HLA-DRB5: variants seen among roughly 807,000 people sequenced by gnomAD.
The protein encoded by HLA-DRB5 is major histocompatibility complex, class II, DR beta 5.
In HLA-DRB5, 11 loss-of-function variants were observed where a neutral mutation model predicts 22.4. That is an observed-to-expected ratio of 0.49 (90% CI 0.31 to 0.81). HLA-DRB5 has a LOEUF of 0.81. HLA-DRB5 is among the 40% of genes least tolerant of loss of function. The pLI is 0.05. For synonymous variants in HLA-DRB5, 57 were observed against 106.0 expected (o/e 0.54, Z 2.84); for missense variants, 106 against 274.4 (o/e 0.39, Z 4.34).
chr6:32,521,726 C>T (rs550725195), intron 2 of HLA-DRB5, among the ~76,000 whole-genome samples, 179 bp downstream of exon 2: 806 of 19,718 alleles, frequency 0.041, 327 homozygotes, highest in Middle Eastern at 0.22. Context: ...CACCTGTGTC[C>T]TCAGAAGTCC....
chr6:32,529,921 G>A (rs1160974421), intron 1 of HLA-DRB5, among the ~76,000 whole-genome samples: 31,865 of 115,528 alleles, frequency 0.28, 1,702 homozygotes, highest in Middle Eastern at 0.37. Context: ...TGACCTGTAT[G>A]GAGGCCCCTT....
In HLA-DRB5 at chr6:32,526,517, CTTTTT is replaced by C. The variant is rs369892846; in HGVS notation, c.100+3603_100+3607del. ...CCAGCCCTGGCCTCACCATGAGTCT[CTTTTT>C]TTTTTTTTTTTTTTTGAGACGGAGT... On this transcript the variant is annotated intron_variant, in intron 1 of 5. Transcript: ENST00000374975. Among the ~76,000 whole-genome samples the C allele has an allele frequency of 2.0e-4, 5 of 25,140 alleles. 2 individuals are homozygous for C. The East Asian group carries it at 4.6e-3, about 23-fold the overall frequency. The allele number at this position is 25,140 out of a possible 152,430, so 16.5% of individuals were successfully genotyped here. A position where few individuals can be genotyped will look rare whatever the true frequency, so the allele number is the denominator to read the frequency against.
At chr6:32,520,943 G>A (rs1347285522) in intron 2 of HLA-DRB5, among the ~76,000 whole-genome samples, 6 of 63,270 alleles carry the variant, frequency 9.5e-5, no homozygotes, top group Non-Finnish European at 6.1e-5. Flanking sequence ...GGAGATAACA[G>A]AAAATAGATC....
chr6:32,525,704 T>C (rs1278954427), intron 1 of HLA-DRB5, among the ~76,000 whole-genome samples: 1 of 109,560 alleles, frequency 9.1e-6, no homozygotes, highest in Non-Finnish European at 1.9e-5. Context: ...ATTCCAGAGA[T>C]GTACATGTTT....
At chr6:32,520,750 C>T (rs149642638) in intron 2 of HLA-DRB5, among the ~76,000 whole-genome samples, 10,268 of 31,958 alleles carry the variant, frequency 0.32, 3,582 homozygotes, top group Middle Eastern at 0.46. Flanking sequence ...GGTTTGTAAA[C>T]CATTAATAAA....
intron 3 of HLA-DRB5, among the ~76,000 whole-genome samples, 162 bp from the exon 4 acceptor site, chr6:32,518,828 GA>G (rs1562422899): frequency 2.6e-5 from 2 of 77,362 alleles, no homozygotes; most frequent in Non-Finnish European, 5.3e-5. Context: ...AAATCACACT[GA>G]ACAGTTACAA....
chr6:32,523,156 C>CT (rs1177955229), intron 1 of HLA-DRB5, among the ~76,000 whole-genome samples: 1,259 of 40,780 alleles, frequency 0.031, 2 homozygotes, highest in Admixed American at 0.06. Context: ...AACCATGATC[C>CT]CATGAATGTC....
At chr6:32,529,006 G>A (rs113962966) in intron 1 of HLA-DRB5, among the ~76,000 whole-genome samples, 94,456 of 132,500 alleles carry the variant, frequency 0.71, 32,507 homozygotes, top group Middle Eastern at 0.79. Flanking sequence ...CAAGCTTTAG[G>A]GATTTCTGGA....
intron 1 of HLA-DRB5, among the ~76,000 whole-genome samples, chr6:32,526,184 C>CAT (rs1769609688): frequency 2.0e-5 from 1 of 50,870 alleles, no homozygotes. Context: ...GGATACTCTA[C>CAT]TGACTGCAAA....
chr6:32,528,354 C>CCACAG, intron 1 of HLA-DRB5, among the ~76,000 whole-genome samples: 1 of 123,886 alleles, frequency 8.1e-6, no homozygotes, highest in African/African-American at 3.0e-5. Context: ...GGGACCCTCT[C>CCACAG]TATCTTACTC....
Position 32,522,202 on chromosome 6 carries a change from AG to A in HLA-DRB5, c.101-29del. The A allele has an allele frequency of 2.7e-6, 2 of 733,690 alleles. 1 individual carries two copies. The highest frequency in any genetic ancestry group is 3.6e-5 in the South Asian group (2 of 55,224). The allele number at this position is 733,690 out of a possible 1,614,324, so 45.4% of individuals were successfully genotyped here. ...GTGGGGACACGAAGGATCCGGTCAC[AG>A]GGGCGGCCTCCGGGGAAGATACTGA... On this transcript the variant is annotated intron_variant, in intron 1 of 5. Transcript: ENST00000374975.
intron 1 of HLA-DRB5, among the ~76,000 whole-genome samples, chr6:32,528,451 T>G (rs1367669970): frequency 0.011 from 606 of 56,404 alleles, no homozygotes; most frequent in Middle Eastern, 0.025. Context: ...TAAACCATGG[T>G]TCTGGGAACT....
At chr6:32,525,916 G>T (rs879940042) in intron 1 of HLA-DRB5, among the ~76,000 whole-genome samples, 12 of 39,592 alleles carry the variant, frequency 3.0e-4, no homozygotes, top group Middle Eastern at 0.02. Flanking sequence ...TGAAATACTG[G>T]CTGTGTGACC....
rs145586726 is a variant in HLA-DRB5, at chr6:32,522,019, C to T, written c.256G>A (p.Asp86Asn). ...YRAVTELGRPDAEYWNSQKDF... is the reference protein window; with the variant it reads ...YRAVTELGRPNAEYWNSQKDF... ...TTCTGGCTGTTCCAGTACTCAGCGT[C>T]AGGCCGCCCCAGCTCCGTCACCGCC... Residue 86 changes from aspartate (D) to asparagine (N), a missense_variant, in exon 2 of 6, where the codon GAC becomes AAC. Asp to Asn is a conservative substitution (Grantham distance 23, BLOSUM62 1). Transcript: ENST00000374975. 0.046 allele frequency: 70,762 copies of T among 1,540,388 alleles called. 8,019 individuals carry two copies. Among genetic ancestry groups the T allele is most frequent in the East Asian group, 0.17 (6,994 of 41,420 alleles).
rs1487304200 is a variant in HLA-DRB5 at position 32,524,073 on chromosome 6, G to C, written c.101-1899C>G. 4.2e-5 allele frequency among the ~76,000 whole-genome samples: 2 copies of C among 47,258 alleles called. 1 individual carries two copies. Among genetic ancestry groups the C allele is most frequent in the African/African-American group, 1.5e-4 (2 of 13,262 alleles). The allele number at this position is 47,258 out of a possible 152,430, so 31.0% of individuals were successfully genotyped here. A position where few individuals can be genotyped will look rare whatever the true frequency, so the allele number is the denominator to read the frequency against. ...GCGGTGGTGAACGATCCCTGGGTAA[G>C]AACCACAGGTGTGAACCATCTGAAA... On this transcript the variant is annotated intron_variant, in intron 1 of 5. Transcript: ENST00000374975.
intron 2 of HLA-DRB5, among the ~76,000 whole-genome samples, chr6:32,521,159 T>A (rs1232361515): frequency 1.0e-2 from 574 of 57,516 alleles, no homozygotes; most frequent in Non-Finnish European, 0.012. Flanking sequence ...ACAACTATTA[T>A]ATATAAAAGA....
intron 1 of HLA-DRB5, among the ~76,000 whole-genome samples, chr6:32,524,840 G>T (rs149310453): frequency 0.29 from 11,856 of 40,788 alleles, 2,659 homozygotes; most frequent in East Asian, 0.33. Flanking sequence ...GGATGCCCAG[G>T]TAAATCTGGA....
At chr6:32,527,106 A>G (rs73407287) in intron 1 of HLA-DRB5, among the ~76,000 whole-genome samples, 11,315 of 45,438 alleles carry the variant, frequency 0.25, 2,024 homozygotes, top group Middle Eastern at 0.47. Flanking sequence ...ACTCAAGCCT[A>G]TTTTCCCTGA....
Position 32,518,660 on chromosome 6 carries a change from T to C in HLA-DRB5, c.659A>G (p.Gln220Arg), listed in dbSNP as rs1136905. The C allele has an allele frequency of 0.12, 66,438 of 573,392 alleles. 26,386 individuals are homozygous for C. The highest frequency in any genetic ancestry group is 0.42 in the East Asian group (7,436 of 17,540). 35.5% of individuals were successfully genotyped at this position (573,392 alleles called of 1,614,324 possible). ...TSPLTVEWRA[Q>R]SESAQSKMLS... ...CATCTTGCTCTGTGCAGATTCAGAC[T>C]GTGCTCCTGGGAGAGGAAACCAGGT... Residue 220 changes from glutamine to arginine, a missense_variant, in exon 4 of 6, where the codon CAG (glutamine) becomes CGG (arginine). By Grantham distance (43) the Gln-to-Arg change is conservative. Coordinates refer to ENST00000374975, the MANE Select transcript of HLA-DRB5 (RefSeq NM_002125.4).
Sources: gnomAD v4.1 joint callset for allele counts (sites outside exome capture counted in the v4.1 genomes callset) on GRCh38, gnomAD v4.1.1 for gene constraint, MANE v1.5 for transcripts, NCBI Gene and HGNC (gene_info 2026-07-23, HGNC 2026-07-21) for gene names.